ZMAT3: variants seen among roughly 807,000 people sequenced by gnomAD.
ZMAT3 encodes zinc finger matrin-type 3.
ZMAT3 carries 17 observed loss-of-function variants against 32.3 expected under a neutral mutation model. That is an observed-to-expected ratio of 0.53 (90% confidence interval 0.36 to 0.79). ZMAT3 has a LOEUF of 0.79. Among genes scored for constraint, ZMAT3 ranks in the 30% least tolerant of loss-of-function variants. The pLI, the probability that ZMAT3 is intolerant of heterozygous loss-of-function variation, is 0.00. For missense variants in ZMAT3, 329 were observed against 359.7 expected (o/e 0.91, Z 0.69); for synonymous variants, 120 against 133.1 (o/e 0.90, Z 0.68).
At chr3:179,043,376 C>G (rs879266393) in intron 2 of ZMAT3, among the ~76,000 whole-genome samples, 2 of 151,366 alleles carry the variant, frequency 1.3e-5, no homozygotes, top group Admixed American at 6.6e-5. Flanking sequence ...CCAAAACAGA[C>G]ATATAGACCA....
At chr3:179,055,526 CG>C (rs1720796296) in intron 2 of ZMAT3, among the ~76,000 whole-genome samples, 1 of 147,730 alleles carries the variant, frequency 6.8e-6, no homozygotes, top group African/African-American at 2.5e-5. Flanking sequence ...TTAACCCAAA[CG>C]GTCCAAAAGG....
At position 179,025,204 on chromosome 3, in the gene ZMAT3, G is replaced by T. The variant is rs761475270; in HGVS notation, c.683C>A (p.Ser228Tyr). ...CAGATCACGTGGAATTCTCTGCCGA[G>T]AGCGGGGATTGAAGTAAGGACCTGC... Reference protein sequence around the residue: ...NSAGPYFNPRSRQRIPRDLAM... With the variant: ...NSAGPYFNPRYRQRIPRDLAM... The change falls in exon 6 of 6, where the codon TCT (serine) becomes TAT (tyrosine). Residue 228 changes from serine (S) to tyrosine (Y), a missense_variant. Ser to Tyr is a moderately radical substitution (Grantham distance 144, BLOSUM62 -2). Coordinates refer to ENST00000311417, the MANE Select transcript of ZMAT3 (RefSeq NM_022470.4). The T allele has an allele frequency of 1.2e-6, 2 of 1,614,072 alleles. No individual in the cohort carries two copies. The highest frequency in any genetic ancestry group is 1.7e-6 in the Non-Finnish European group (2 of 1,179,958).
chr3:179,070,193 T>C (rs2108595380), intron 1 of ZMAT3, among the ~76,000 whole-genome samples: 1 of 152,300 alleles, frequency 6.6e-6, no homozygotes, highest in African/African-American at 2.4e-5. Flanking sequence ...TGCCTAGGCA[T>C]GTCTGGACTT....
At chr3:179,062,643 C>T (rs1721207949) in intron 2 of ZMAT3, among the ~76,000 whole-genome samples, 1 of 152,126 alleles carries the variant, frequency 6.6e-6, no homozygotes, top group Admixed American at 6.5e-5. Context: ...AGAAAACCAA[C>T]AAGGATTGAT....
At chr3:179,062,395 C>G (rs1390673369) in intron 2 of ZMAT3, among the ~76,000 whole-genome samples, 1 of 152,120 alleles carries the variant, frequency 6.6e-6, no homozygotes, top group Non-Finnish European at 1.5e-5. Context: ...ATAGAAAAGA[C>G]TTGGGCATAG....
Position 179,027,482 on chromosome 3 carries a change from C to T in ZMAT3, c.599G>A (p.Gly200Glu). Reference protein sequence around the residue: ...ELGQRRARKEGNEFKMMPNRR... With the variant: ...ELGQRRARKEENEFKMMPNRR... ...GTTAGGCATCATCTTAAACTCATTC[C>T]CTTCTTTCCTGGCCCGCCGTTGACC... The change falls in exon 5 of 6, where the codon GGG becomes GAG. Residue 200 changes from glycine (G) to glutamate (E), a missense_variant. Gly to Glu is a moderately conservative substitution (Grantham distance 98, BLOSUM62 -2). Coordinates refer to ENST00000311417, the MANE Select transcript of ZMAT3 (RefSeq NM_022470.4). 6.2e-7 allele frequency: 1 copy of T among 1,614,174 alleles called. No homozygotes were observed. The highest frequency in any genetic ancestry group is 8.5e-7 in the Non-Finnish European group (1 of 1,180,032).
intron 2 of ZMAT3, among the ~76,000 whole-genome samples, chr3:179,043,560 AC>A (rs1302619588): frequency 6.6e-6 from 1 of 152,226 alleles, no homozygotes; most frequent in African/African-American, 2.4e-5. Flanking sequence ...TACTCCTTAT[AC>A]AAAAATTAAT....
chr3:179,057,905 C>T (rs781667375), intron 2 of ZMAT3, among the ~76,000 whole-genome samples: 11 of 152,290 alleles, frequency 7.2e-5, no homozygotes, highest in South Asian at 2.1e-4. Flanking sequence ...ACACCTGAAG[C>T]GGAAGTAGCT....
At chr3:179,031,903 T>C (rs1719218235) in intron 2 of ZMAT3, among the ~76,000 whole-genome samples, 1 of 65,084 alleles carries the variant, frequency 1.5e-5, no homozygotes. Flanking sequence ...TTAGATTCTG[T>C]CTCAAATAAA....
intron 5 of ZMAT3, among the ~76,000 whole-genome samples, chr3:179,027,095 G>T (rs939472317): frequency 6.6e-6 from 1 of 152,048 alleles, no homozygotes; most frequent in Non-Finnish European, 1.5e-5. Flanking sequence ...CTTTAACATG[G>T]TACAACTTTA....
rs920142876 is a variant in ZMAT3, at chr3:179,020,716, T to C, written c.*4301A>G. 2 of 152,210 alleles carry C rather than the reference T, an allele frequency of 1.3e-5. No individual in the cohort carries two copies. The highest frequency in any genetic ancestry group is 4.8e-5 in the African/African-American group (2 of 41,450). 9.4% of individuals were successfully genotyped at this position (152,210 alleles called of 1,614,324 possible). ...GTAGGTTAGGTTCCAAAACCACCCT[T>C]CCTAGCCCTCCCTGTAGAAAATACC... is the stretch of plus-strand genomic sequence containing the variant. On this transcript the variant is annotated 3_prime_UTR_variant, in exon 6 of 6. Coordinates refer to ENST00000311417, the MANE Select transcript of ZMAT3 (RefSeq NM_022470.4).
At chr3:179,069,127 A>AT (rs1018766013) in intron 1 of ZMAT3, among the ~76,000 whole-genome samples, 1 of 152,154 alleles carries the variant, frequency 6.6e-6, no homozygotes, top group Non-Finnish European at 1.5e-5. Flanking sequence ...CTCTAGGTAA[A>AT]TTACCTACAC....
chr3:179,067,146 T>C (rs1221292482), intron 2 of ZMAT3, among the ~76,000 whole-genome samples: 1 of 152,246 alleles, frequency 6.6e-6, no homozygotes, highest in Non-Finnish European at 1.5e-5. Flanking sequence ...AGTCTCGCTC[T>C]GTCACCCAGG....
intron 2 of ZMAT3, among the ~76,000 whole-genome samples, chr3:179,044,382 C>T (rs776668324): frequency 2.0e-5 from 3 of 152,146 alleles, no homozygotes; most frequent in Admixed American, 6.5e-5. Flanking sequence ...CGGTGGCTCA[C>T]GCCTGTAATC....
chr3:179,042,825 C>T (rs1396694820), intron 2 of ZMAT3, among the ~76,000 whole-genome samples: 2 of 152,142 alleles, frequency 1.3e-5, no homozygotes, highest in Non-Finnish European at 2.9e-5. Flanking sequence ...TTAGAAAACC[C>T]CATTGTCTCA....
chr3:179,052,415 C>G (rs1050136889), intron 2 of ZMAT3, among the ~76,000 whole-genome samples: 1 of 152,148 alleles, frequency 6.6e-6, no homozygotes, highest in African/African-American at 2.4e-5. Context: ...CACTAATTAT[C>G]AGAGAAATGT....
chr3:179,056,260 T>C (rs1720836810), intron 2 of ZMAT3, among the ~76,000 whole-genome samples: 1 of 151,878 alleles, frequency 6.6e-6, no homozygotes, highest in African/African-American at 2.4e-5. Context: ...CTATTTAACT[T>C]GGCATCCTCA....
intron 2 of ZMAT3, among the ~76,000 whole-genome samples, chr3:179,052,048 A>T (rs901095108): frequency 6.6e-6 from 1 of 152,228 alleles, no homozygotes; most frequent in African/African-American, 2.4e-5. Flanking sequence ...CAAAGACTTA[A>T]ATCTAAAACC....
At chr3:179,041,809 A>C (rs1355664880) in intron 2 of ZMAT3, among the ~76,000 whole-genome samples, 1 of 152,192 alleles carries the variant, frequency 6.6e-6, no homozygotes, top group East Asian at 1.9e-4. Flanking sequence ...TTTTTTTTAA[A>C]AGATCAACAA....
Sources: allele counts gnomAD v4.1 joint callset (sites outside exome capture counted in the v4.1 genomes callset), GRCh38; gene constraint gnomAD v4.1.1; transcripts MANE v1.5; gene names NCBI Gene and HGNC (gene_info 2026-07-23, HGNC 2026-07-21).